Variants in SUGCT observed in about 807,000 individuals in gnomAD.
The protein encoded by SUGCT is succinyl-CoA:glutarate CoA-transferase.
In SUGCT, 41 loss-of-function variants were observed where a neutral mutation model predicts 55.0. That is an observed-to-expected ratio of 0.74 (90% CI 0.58 to 0.97). SUGCT has a LOEUF of 0.97. Ranked by LOEUF, SUGCT falls within the 50% of genes least tolerant of loss-of-function variation. The pLI, the probability that SUGCT is intolerant of heterozygous loss-of-function variation, is 0.00. For missense variants in SUGCT, 568 were observed against 547.8 expected, an observed-to-expected ratio of 1.04 and a Z score of -0.37; for synonymous variants, 187 against 200.4, an observed-to-expected ratio of 0.93 and a Z score of 0.56.
chr7:40,545,708 C>T (rs1391107954), intron 12 of SUGCT, among the ~76,000 whole-genome samples: 1 of 152,112 alleles, frequency 6.6e-6, no homozygotes, highest in African/African-American at 2.4e-5. Flanking sequence ...TTTGGTGTAC[C>T]ATCCTTTTTT....
At chr7:40,866,518 G>A in the SUGCT span, among the ~76,000 whole-genome samples, 5 of 150,078 alleles carry the variant, frequency 3.3e-5, no homozygotes, top group Admixed American at 6.7e-5. Flanking sequence ...TCATATAGCC[G>A]AACGTGCTTG....
intron 12 of SUGCT, among the ~76,000 whole-genome samples, chr7:40,676,052 A>G (rs1236489283): frequency 6.6e-6 from 1 of 152,144 alleles, no homozygotes; most frequent in Non-Finnish European, 1.5e-5. Flanking sequence ...CTGGTAATTG[A>G]TTAGATTTGG....
the SUGCT span, among the ~76,000 whole-genome samples, chr7:40,912,024 C>T: frequency 5.9e-5 from 9 of 152,122 alleles, no homozygotes; most frequent in South Asian, 2.1e-4. Context: ...CAAGGTCTGG[C>T]GTTTCAAGAA....
chr7:40,701,549 C>A (rs1785172498), intron 12 of SUGCT, among the ~76,000 whole-genome samples: 1 of 152,146 alleles, frequency 6.6e-6, no homozygotes. Context: ...CCAGGCGATC[C>A]CATGGGAAAT....
chr7:40,266,833 G>A (rs1181866459), intron 7 of SUGCT, among the ~76,000 whole-genome samples: 2 of 151,892 alleles, frequency 1.3e-5, no homozygotes, highest in African/African-American at 4.8e-5. Context: ...TGGCCGATAT[G>A]GTGAAACCCC....
intron 12 of SUGCT, among the ~76,000 whole-genome samples, chr7:40,513,079 G>A (rs531475232): frequency 6.6e-5 from 10 of 152,196 alleles, no homozygotes; most frequent in African/African-American, 2.4e-4. Context: ...CAAATGTAGG[G>A]GAGATCAGTC....
At chr7:40,140,487 GC>G (rs1015664088) in intron 1 of SUGCT, among the ~76,000 whole-genome samples, 1 of 151,986 alleles carries the variant, frequency 6.6e-6, no homozygotes, top group Non-Finnish European at 1.5e-5. Context: ...TGCAACCTCC[GC>G]CCCCCGGGTT....
chr7:40,368,929 C>A (rs141769899), intron 9 of SUGCT, among the ~76,000 whole-genome samples: 2,956 of 152,034 alleles, frequency 0.019, 94 homozygotes, highest in African/African-American at 0.068. Context: ...CATGGCAAAA[C>A]TGCATCTCTA....
At chr7:40,684,083 C>CTGCAT (rs757495153) in intron 12 of SUGCT, 2 of 1,612,330 alleles carry the variant, frequency 1.2e-6, no homozygotes, top group Non-Finnish European at 1.7e-6. Flanking sequence ...CCAAAGCCTG[C>CTGCAT]TGCATTCCTT....
At chr7:40,320,837 A>G (rs1795687007) in intron 9 of SUGCT, among the ~76,000 whole-genome samples, 1 of 152,190 alleles carries the variant, frequency 6.6e-6, no homozygotes, top group South Asian at 2.1e-4. Flanking sequence ...GGTTTGTTAC[A>G]TGCAAATATT....
the SUGCT span, among the ~76,000 whole-genome samples, chr7:40,928,953 CT>C: frequency 6.6e-6 from 1 of 151,982 alleles, no homozygotes; most frequent in Non-Finnish European, 1.5e-5. Context: ...TAAAATTGTA[CT>C]TTAAGTTCTA....
At chr7:40,318,689 G>T (rs551920827) in intron 9 of SUGCT, among the ~76,000 whole-genome samples, 1 of 152,118 alleles carries the variant, frequency 6.6e-6, no homozygotes, top group East Asian at 1.9e-4. Flanking sequence ...CACCTGCCTC[G>T]TCCTCCCAAA....
chr7:40,217,591 CT>C, intron 6 of SUGCT: 1 of 284,556 alleles, frequency 3.5e-6, no homozygotes, highest in Non-Finnish European at 7.2e-6. Context: ...CATGTTGTGC[CT>C]TTCTCCCCAT....
intron 13 of SUGCT, among the ~76,000 whole-genome samples, chr7:40,844,386 G>A (rs1371547893): frequency 6.6e-6 from 1 of 152,072 alleles, no homozygotes; most frequent in Non-Finnish European, 1.5e-5. Flanking sequence ...GGTGGAAGTG[G>A]CTCTCAGTGG....
intron 12 of SUGCT, among the ~76,000 whole-genome samples, chr7:40,558,120 TA>T (rs1228005086): frequency 6.8e-6 from 1 of 148,014 alleles, no homozygotes; most frequent in Non-Finnish European, 1.5e-5. Context: ...AACCAGAAAA[TA>T]AAAAGTTTTG....
At chr7:40,839,914 G>T (rs2128788009) in intron 13 of SUGCT, among the ~76,000 whole-genome samples, 1 of 152,198 alleles carries the variant, frequency 6.6e-6, no homozygotes, top group East Asian at 1.9e-4. Context: ...TACAGGAAAT[G>T]CTGGAAGCCT....
chr7:40,448,160 G>A (rs965257341), intron 9 of SUGCT, among the ~76,000 whole-genome samples: 8 of 151,776 alleles, frequency 5.3e-5, no homozygotes, highest in African/African-American at 1.9e-4. Context: ...TTACATTTGA[G>A]TTCTTGAAAG....
At chr7:40,645,142 G>T (rs1800441507) in intron 12 of SUGCT, among the ~76,000 whole-genome samples, 1 of 152,202 alleles carries the variant, frequency 6.6e-6, no homozygotes, top group South Asian at 2.1e-4. Context: ...CTCGCGGGGA[G>T]AGACACTGAA....
intron 12 of SUGCT, among the ~76,000 whole-genome samples, chr7:40,679,569 C>T (rs1054650991): frequency 6.6e-6 from 1 of 152,162 alleles, no homozygotes; most frequent in Non-Finnish European, 1.5e-5. Context: ...ATAAATAGTA[C>T]TCTAGACAAC....
Sources: gnomAD v4.1 joint callset for allele counts (sites outside exome capture counted in the v4.1 genomes callset) on GRCh38, gnomAD v4.1.1 for gene constraint, MANE v1.5 for transcripts, NCBI Gene and HGNC (gene_info 2026-07-23, HGNC 2026-07-21) for gene names.